The following RAP1GAP variants were observed in gnomAD, a reference collection of about 807,000 sequenced individuals.
RAP1GAP encodes rap1 GTPase-activating protein 1.
A neutral mutation model predicts 87.2 loss-of-function variants in RAP1GAP; 35 were observed. The observed-to-expected ratio is 0.40, with a 90% confidence interval of 0.31 to 0.53. The LOEUF (loss-of-function observed/expected upper bound fraction) is 0.53. Ranked by LOEUF, RAP1GAP falls within the 20% of genes least tolerant of loss-of-function variation. The pLI is 0.48. For missense variants in RAP1GAP, 734 were observed against 898.9 expected, an observed-to-expected ratio of 0.82 and a Z score of 2.35; for synonymous variants, 375 against 363.9, an observed-to-expected ratio of 1.03 and a Z score of -0.35.
intron 1 of RAP1GAP, among the ~76,000 whole-genome samples, chr1:21,657,147 C>A (rs539286984): frequency 3.9e-5 from 6 of 152,326 alleles, no homozygotes; most frequent in African/African-American, 1.2e-4. Context: ...CTAACTCATG[C>A]CTGTAGAGAT....
At position 21,606,168 on chromosome 1, in the gene RAP1GAP, C is replaced by T; in HGVS notation, c.1326G>A (p.Met442Ile). 6.3e-7 allele frequency: 1 copy of T among 1,586,426 alleles called. No homozygotes were observed. Residue 442 changes from methionine (M) to isoleucine (I), a missense_variant, in exon 18 of 25, where the codon ATG becomes ATA. Physicochemically the swap from Met to Ile is conservative, Grantham distance 10 (BLOSUM62 1). This residue lies in a region of RAP1GAP where 485 missense variants were observed against 646.2 expected (regional missense o/e 0.75). Transcript: ENST00000374765. ...TCTTGTTGCTCAGCCCCATGGCATC[C>T]ATGGACTGGCTGCGGCTCCGGATGA... The part of the protein sequence containing the change: ...KRVIRSRSQS[M>I]DAMGLSNKKP...
chr1:21,636,251 CT>C (rs2094646125), intron 2 of RAP1GAP, among the ~76,000 whole-genome samples: 1 of 152,212 alleles, frequency 6.6e-6, no homozygotes, highest in Non-Finnish European at 1.5e-5. Context: ...CACATAACAG[CT>C]GTGTGACCTT....
intron 1 of RAP1GAP, among the ~76,000 whole-genome samples, chr1:21,658,137 A>T (rs927651289): frequency 2.6e-5 from 4 of 152,232 alleles, no homozygotes; most frequent in Non-Finnish European, 4.4e-5. Flanking sequence ...CGGGTAACCC[A>T]TCCTAGAACC....
At chr1:21,598,354 C>T (rs1646472802) in intron 22 of RAP1GAP, 46 bp downstream of exon 22, 4 of 1,532,038 alleles carry the variant, frequency 2.6e-6, no homozygotes, top group East Asian at 4.5e-5. Context: ...CCCCCTCCTA[C>T]CCCAAGGTAG....
At chr1:21,614,504 G>C (rs1025702655) in intron 7 of RAP1GAP, among the ~76,000 whole-genome samples, 2 of 152,214 alleles carry the variant, frequency 1.3e-5, no homozygotes, top group African/African-American at 2.4e-5. Context: ...TGGGCACCCA[G>C]CAGGTGCTCA....
At chr1:21,667,085 G>T (rs1183933722) in intron 1 of RAP1GAP, among the ~76,000 whole-genome samples, 1 of 152,154 alleles carries the variant, frequency 6.6e-6, no homozygotes, top group Non-Finnish European at 1.5e-5. Flanking sequence ...CCGTGCTCAG[G>T]TCTCGGTTGT....
chr1:21,598,245 C>T (rs945012775), intron 22 of RAP1GAP, 155 bp downstream of exon 22: 10 of 793,212 alleles, frequency 1.3e-5, no homozygotes, highest in Non-Finnish European at 2.0e-5. Flanking sequence ...TCCACCCAGC[C>T]ACCCTAGGCT....
chr1:21,662,281 C>G (rs1231627622), intron 1 of RAP1GAP, among the ~76,000 whole-genome samples: 1 of 152,190 alleles, frequency 6.6e-6, no homozygotes, highest in Non-Finnish European at 1.5e-5. Flanking sequence ...TCAGCAGCAA[C>G]CCAGATGTGA....
At chr1:21,652,364 G>C (rs1196141690) in intron 1 of RAP1GAP, among the ~76,000 whole-genome samples, 1 of 152,216 alleles carries the variant, frequency 6.6e-6, no homozygotes, top group African/African-American at 2.4e-5. Flanking sequence ...GTTCACGCAC[G>C]TAAAGCGCTC....
intron 2 of RAP1GAP, among the ~76,000 whole-genome samples, chr1:21,639,750 C>T (rs543093795): frequency 6.6e-6 from 1 of 152,162 alleles, no homozygotes; most frequent in Non-Finnish European, 1.5e-5. Context: ...AGGGCCCTGC[C>T]GCACAGACTC....
intron 20 of RAP1GAP, 117 bp from the exon 21 acceptor site, chr1:21,599,734 T>G (rs1342391171): frequency 7.2e-7 from 1 of 1,395,232 alleles, no homozygotes; most frequent in Non-Finnish European, 9.6e-7. Context: ...CAAGCACCTT[T>G]GAGGACCCCT....
chr1:21,611,566 C>G lies in RAP1GAP; in HGVS notation c.729G>C (p.Leu243=), dbSNP rs1240608592. The G allele has an allele frequency of 6.2e-7, 1 of 1,614,200 alleles. No individual in the cohort carries two copies. Among genetic ancestry groups the G allele is most frequent in the East Asian group, 2.2e-5 (1 of 44,862 alleles). The change falls in exon 13 of 25, where the codon CTG becomes CTC. Residue 243 remains leucine (L), a synonymous_variant. Coordinates refer to ENST00000374765, the MANE Select transcript of RAP1GAP (RefSeq NM_002885.4). ...TCCCCGTCTGCCCGTGGGTCACGTC[C>G]AGGCCTCCTCGGAACCTGCCCCGGG... ...LQDFKGFRGG[L]DVTHGQTGTE... is the part of the protein sequence containing the mutation.
rs758715579 is a variant in RAP1GAP at position 21,634,742 on chromosome 1, G to A, written c.-112-8345C>T. 1.7e-5 allele frequency: 8 copies of A among 471,222 alleles called. No individual in the cohort carries two copies. The highest frequency in any genetic ancestry group is 3.2e-4 in the Middle Eastern group (1 of 3,080). 29.2% of individuals were successfully genotyped at this position (471,222 alleles called of 1,614,324 possible). A position where few individuals can be genotyped will look rare whatever the true frequency, so the allele number is the denominator to read the frequency against. On this transcript the variant is annotated intron_variant, in intron 2 of 24. Transcript: ENST00000374765. This position sits in a 1 kb window ranked among gnomAD's most constrained non-coding sequence, Gnocchi z 4.1. ...TCCCTGCCCAGGGCACAGCATCTGG[G>A]AACCAGGCCACCCATTTACCTGCTG...
chr1:21,609,790 G>T lies in RAP1GAP; in HGVS notation c.1000-144C>A. The T allele has an allele frequency of 1.5e-6, 1 of 649,096 alleles. No homozygotes were observed. Among genetic ancestry groups the T allele is most frequent in the South Asian group, 2.9e-5 (1 of 34,792 alleles). 40.2% of individuals were successfully genotyped at this position (649,096 alleles called of 1,614,324 possible). On this transcript the variant is annotated intron_variant, in intron 14 of 24. Transcript: ENST00000374765. This position sits in a 1 kb window ranked among gnomAD's most constrained non-coding sequence, Gnocchi z 4.4. ...GTGGGCTGGATGAATCTTTCTTCCA[G>T]AGATTTCTGCCCTCTATCTTTTGCC...
At chr1:21,647,853 G>A (rs1571295661) in intron 2 of RAP1GAP, among the ~76,000 whole-genome samples, 2 of 150,916 alleles carry the variant, frequency 1.3e-5, no homozygotes, top group African/African-American at 2.4e-5. Context: ...GAGGTGTGGC[G>A]AGGGCCTGTG....
In RAP1GAP at chr1:21,608,309, T is replaced by A; in HGVS notation, c.1200A>T (p.Glu400Asp). Residue 400 changes from glutamate (E) to aspartate (D), a missense_variant, in exon 17 of 25, where the codon GAA becomes GAT. Glu to Asp is a conservative substitution (Grantham distance 45). Coordinates refer to ENST00000374765, the MANE Select transcript of RAP1GAP (RefSeq NM_002885.4). ...RAALLETLYE[E>D]LHIHSQSMMG... ...TCATGGACTGGCTGTGGATGTGTAG[T>A]TCCTCATAGAGCGTCTCCAGGAGGG... The A allele has an allele frequency of 6.2e-7, 1 of 1,613,948 alleles. No individual in the cohort carries two copies. Among genetic ancestry groups the A allele is most frequent in the Non-Finnish European group, 8.5e-7 (1 of 1,179,948 alleles).
At chr1:21,611,309 C>A (rs751174488) in intron 13 of RAP1GAP, 143 bp downstream of exon 13, 2 of 1,220,584 alleles carry the variant, frequency 1.6e-6, no homozygotes, top group Non-Finnish European at 1.1e-6. Context: ...CCTGACCCAA[C>A]GAGACCCCAC....
In RAP1GAP at chr1:21,598,073, G is replaced by A. The variant is rs1020631693; in HGVS notation, c.1880-9C>T. On this transcript the variant is annotated splice_polypyrimidine_tract_variant and intron_variant, in intron 22 of 24. Transcript: ENST00000374765. ...GGGTGATCGAGAGGGGCCTGGGGAG[G>A]GGGGCAGGAGGGAGCCACCTCACTG... The A allele has an allele frequency of 5.4e-6, 8 of 1,491,206 alleles. No homozygotes were observed. The highest frequency in any genetic ancestry group is 7.2e-6 in the Non-Finnish European group (8 of 1,104,742). 92.4% of individuals were successfully genotyped at this position (1,491,206 alleles called of 1,614,324 possible). A position where few individuals can be genotyped will look rare whatever the true frequency, so the allele number is the denominator to read the frequency against.
Position 21,613,694 on chromosome 1 carries a change from C to A in RAP1GAP, c.408G>T (p.Arg136=), listed in dbSNP as rs2079963081. ...AGATGGGGATGACATCATGGTATGT[C>A]CGGCACTTGGTCCTGAGAAGAGAAA... ...HLRLLLRTKC[R]TYHDVIPISC... The change falls in exon 9 of 25, where the codon CGG becomes CGT. Residue 136 remains arginine, a synonymous_variant. Transcript: ENST00000374765. The surrounding 1 kb of genome is among the most constrained non-coding windows in gnomAD (Gnocchi z 4.7). The A allele has an allele frequency of 6.2e-7, 1 of 1,612,840 alleles. No homozygotes were observed. The highest frequency in any genetic ancestry group is 1.3e-5 in the African/African-American group (1 of 74,880).
Sources: allele counts gnomAD v4.1 joint callset (sites outside exome capture counted in the v4.1 genomes callset), GRCh38; gene constraint gnomAD v4.1.1; regional missense constraint gnomAD v4.1.1; non-coding constraint Gnocchi (gnomAD v3.1); transcripts MANE v1.5; gene names NCBI Gene and HGNC (gene_info 2026-07-23, HGNC 2026-07-21).